Variants in RBFOX3 observed in about 807,000 individuals in gnomAD.
RBFOX3 encodes RNA binding fox-1 homolog 3.
In RBFOX3, 17 loss-of-function variants were observed where a neutral mutation model predicts 48.7. The ratio of observed to expected loss-of-function variants is 0.35; its 90% CI spans 0.24 to 0.52. The LOEUF is 0.52. Among genes scored for constraint, RBFOX3 ranks in the 20% least tolerant of loss-of-function variants. The pLI, the probability that RBFOX3 is intolerant of heterozygous loss-of-function variation, is 0.94. For synonymous variants in RBFOX3, 212 were observed against 209.5 expected, an observed-to-expected ratio of 1.01 and a Z score of -0.10; for missense variants, 382 against 497.5, an observed-to-expected ratio of 0.77 and a Z score of 2.21.
At chr17:79,612,498 C>T (rs1000162426), upstream of RBFOX3, among the ~76,000 whole-genome samples, 1 of 152,108 alleles carries the variant, frequency 6.6e-6, no homozygotes, top group African/African-American at 2.4e-5. Flanking sequence ...GCAGCAGAGA[C>T]GGTGGCCAAG....
the RBFOX3 span, among the ~76,000 whole-genome samples, chr17:79,633,433 G>A: frequency 2.0e-5 from 3 of 152,238 alleles, no homozygotes; most frequent in East Asian, 1.9e-4. Flanking sequence ...CGTGTCCACC[G>A]TAGGGAGGTG....
At chr17:79,585,131 CTG>C (rs2093205912) in intron 1 of RBFOX3, among the ~76,000 whole-genome samples, 1 of 152,150 alleles carries the variant, frequency 6.6e-6, no homozygotes, top group South Asian at 2.1e-4. Flanking sequence ...AGACGACACA[CTG>C]AGTACAGCGT....
At chr17:79,292,580 A>G (rs1286950333) in intron 3 of RBFOX3, among the ~76,000 whole-genome samples, 4 of 106,138 alleles carry the variant, frequency 3.8e-5, no homozygotes, top group African/African-American at 1.8e-4. Flanking sequence ...ACACACACAC[A>G]CATGCACACA....
At chr17:79,232,480 C>A (rs1357934649) in intron 4 of RBFOX3, among the ~76,000 whole-genome samples, 3 of 152,168 alleles carry the variant, frequency 2.0e-5, no homozygotes, top group African/African-American at 7.2e-5. Context: ...CATAGACTCA[C>A]ATACACATGA....
intron 3 of RBFOX3, among the ~76,000 whole-genome samples, chr17:79,289,743 G>A (rs1600442646): frequency 2.0e-5 from 3 of 152,168 alleles, no homozygotes; most frequent in South Asian, 2.1e-4. Flanking sequence ...AGAAAGTGGC[G>A]TATTTTATCT....
rs549236188 is a variant in RBFOX3, at chr17:79,274,549, C to T, written c.-74+33175G>A. Among the ~76,000 whole-genome samples the T allele has an allele frequency of 2.2e-3, 341 of 152,204 alleles. 1 individual carries two copies. Among genetic ancestry groups the T allele is most frequent in the African/African-American group, 7.6e-3 (315 of 41,526 alleles). Reference sequence around the variant, plus strand: ...GGAGGCTGGTCCGACCTCTGTCCTCCCACCTGCCCTGGGCAGAGGCTGTTC... The same window carrying T: ...GGAGGCTGGTCCGACCTCTGTCCTCTCACCTGCCCTGGGCAGAGGCTGTTC... On this transcript the variant is annotated intron_variant, in intron 3 of 14. Coordinates refer to ENST00000693108, the MANE Select transcript of RBFOX3 (RefSeq NM_001350451.2).
At chr17:79,255,549 C>G (rs1376379366) in intron 3 of RBFOX3, among the ~76,000 whole-genome samples, 3 of 152,130 alleles carry the variant, frequency 2.0e-5, no homozygotes, top group Non-Finnish European at 4.4e-5. Context: ...TTAGAGGCAG[C>G]CAGAAGCCGA....
intron 1 of RBFOX3, among the ~76,000 whole-genome samples, chr17:79,547,796 C>T (rs1418778953): frequency 6.6e-6 from 1 of 152,140 alleles, no homozygotes; most frequent in African/African-American, 2.4e-5. Context: ...AGCCCCTCTC[C>T]CTGGACAAGG....
chr17:79,550,340 T>C (rs2091012214), intron 1 of RBFOX3, among the ~76,000 whole-genome samples: 2 of 151,998 alleles, frequency 1.3e-5, no homozygotes, highest in African/African-American at 4.8e-5. Context: ...GGAGAAATCA[T>C]GGAATTGAGA....
intron 1 of RBFOX3, among the ~76,000 whole-genome samples, chr17:79,484,883 CG>C (rs1371342108): frequency 6.6e-6 from 1 of 152,184 alleles, no homozygotes; most frequent in Non-Finnish European, 1.5e-5. Flanking sequence ...TTCCAATGAC[CG>C]GAGAAGCAGA....
rs1034156629 is a variant in RBFOX3 at position 79,390,729 on chromosome 17, G to A, written c.-174-82905C>T. Among the ~76,000 whole-genome samples the A allele has an allele frequency of 8.5e-5, 13 of 152,138 alleles. No individual in the cohort carries two copies. Among genetic ancestry groups the A allele is most frequent in the East Asian group, 1.9e-4 (1 of 5,194 alleles). ...TTATCTCAGACAATCTGCCCGTCTC[G>A]GCCTCCCAACGCATGGCCCATTCAA... On this transcript the variant is annotated intron_variant, in intron 2 of 14. Transcript: ENST00000693108. This position sits in a 1 kb window ranked among gnomAD's most constrained non-coding sequence, Gnocchi z 4.2.
upstream of RBFOX3, among the ~76,000 whole-genome samples, chr17:79,612,175 A>G (rs1401332252): frequency 2.0e-5 from 3 of 152,190 alleles, no homozygotes; most frequent in African/African-American, 7.2e-5. Flanking sequence ...AATCATTTCC[A>G]AAACAAAAGA....
At chr17:79,335,311 C>T (rs1467668300) in intron 2 of RBFOX3, among the ~76,000 whole-genome samples, 3 of 152,238 alleles carry the variant, frequency 2.0e-5, no homozygotes, top group African/African-American at 4.8e-5. Context: ...TCTGGGGGAC[C>T]TGCATGTGCC....
the RBFOX3 span, among the ~76,000 whole-genome samples, chr17:79,647,662 C>T: frequency 6.6e-6 from 1 of 152,186 alleles, no homozygotes; most frequent in Non-Finnish European, 1.5e-5. Context: ...ACACAGAGCA[C>T]CCCAGCCCAC....
intron 6 of RBFOX3, among the ~76,000 whole-genome samples, chr17:79,104,929 T>G (rs55655148): frequency 0.94 from 142,379 of 152,148 alleles, 66,860 homozygotes; most frequent in Non-Finnish European, 0.98. Flanking sequence ...GAGCAACTGT[T>G]CAGGTCGTTT....
intron 2 of RBFOX3, among the ~76,000 whole-genome samples, chr17:79,414,940 C>G (rs2065074821): frequency 6.6e-6 from 1 of 152,220 alleles, no homozygotes; most frequent in African/African-American, 2.4e-5. Flanking sequence ...CAGTCCAGCT[C>G]CCGTTCCCAG....
intron 1 of RBFOX3, among the ~76,000 whole-genome samples, chr17:79,563,319 G>C (rs2092325168): frequency 6.6e-6 from 1 of 152,222 alleles, no homozygotes; most frequent in Non-Finnish European, 1.5e-5. Flanking sequence ...TGATCAGACT[G>C]TCCCTTCAGA....
rs939224520 is a variant in RBFOX3, at chr17:79,489,761, C to T, written c.-319-7163G>A. The stretch of plus-strand genomic sequence containing the variant: ...TCTGTTTTTCTTACACTAGCTTCTC[C>T]CTGGGTGCCAGTGGTTCTACTTCTG... On this transcript the variant is annotated intron_variant, in intron 1 of 14. Transcript: ENST00000693108. 9.8e-5 allele frequency among the ~76,000 whole-genome samples: 15 copies of T among 152,290 alleles called. No individual in the cohort carries two copies. In the East Asian group the frequency reaches 1.9e-3, roughly 20 times the overall value.
chr17:79,198,976 C>T lies in RBFOX3; in HGVS notation c.-34+36790G>A, dbSNP rs565128581. On this transcript the variant is annotated intron_variant, in intron 4 of 14. Coordinates refer to ENST00000693108, the MANE Select transcript of RBFOX3 (RefSeq NM_001350451.2). This position sits in a 1 kb window ranked among gnomAD's most constrained non-coding sequence, Gnocchi z 8.2. ...CTACTGCTTCCCACTGGTTAAAATA[C>T]AAATTGTCTCCTGCAAAGATGCTGA... is the stretch of plus-strand genomic sequence containing the variant. Among the ~76,000 whole-genome samples, 5 of 152,290 alleles carry T rather than the reference C, an allele frequency of 3.3e-5. No individual in the cohort carries two copies. Among genetic ancestry groups the T allele is most frequent in the African/African-American group, 7.2e-5 (3 of 41,550 alleles).
Sources: gnomAD v4.1 joint callset for allele counts (sites outside exome capture counted in the v4.1 genomes callset) on GRCh38, gnomAD v4.1.1 for gene constraint, Gnocchi (gnomAD v3.1) non-coding constraint, MANE v1.5 for transcripts, NCBI Gene and HGNC (gene_info 2026-07-23, HGNC 2026-07-21) for gene names.